Variants in EIF3D observed in about 807,000 individuals in gnomAD.
EIF3D encodes eIF3 p66.
In EIF3D, 10 loss-of-function variants were observed where a neutral mutation model predicts 75.4. That is an observed-to-expected ratio of 0.13 (90% CI 0.08 to 0.22). The LOEUF (loss-of-function observed/expected upper bound fraction) is 0.22, where lower values mean the gene tolerates loss of function less well. EIF3D is among the 10% of genes least tolerant of loss of function. The pLI, the probability that EIF3D is intolerant of heterozygous loss-of-function variation, is 1.00. For missense variants in EIF3D, 394 were observed against 708.0 expected, an observed-to-expected ratio of 0.56 and a Z score of 5.03; for synonymous variants, 246 against 248.3, an observed-to-expected ratio of 0.99 and a Z score of 0.09.
chr22:36,525,749 C>T (rs774975917), intron 2 of EIF3D, 40 bp from the exon 3 acceptor site: 79 of 1,598,606 alleles, frequency 4.9e-5, no homozygotes, highest in Non-Finnish European at 5.9e-5. Flanking sequence ...CACAGGTCAA[C>T]CAGGCAAGTT....
intron 14 of EIF3D, 99 bp downstream of exon 14, chr22:36,511,404 C>T (rs891865152): frequency 8.4e-6 from 13 of 1,541,260 alleles, no homozygotes; most frequent in East Asian, 2.3e-5. Flanking sequence ...AGGGAATTCT[C>T]GAAGTTTTAT....
chr22:36,521,522 CAAT>C (rs1171968621), intron 6 of EIF3D, among the ~76,000 whole-genome samples: 1 of 152,128 alleles, frequency 6.6e-6, no homozygotes, highest in East Asian at 1.9e-4. Flanking sequence ...ACAGCAGCAT[CAAT>C]AATAGTCAAA....
intron 7 of EIF3D, 39 bp downstream of exon 7, chr22:36,520,537 A>G (rs755974436): frequency 9.7e-6 from 14 of 1,440,504 alleles, no homozygotes; most frequent in East Asian, 2.3e-5. Context: ...GTCCACACAC[A>G]TAAGAGCAGT....
intron 4 of EIF3D, 47 bp downstream of exon 4, chr22:36,524,549 C>A (rs1184491758): frequency 6.2e-7 from 1 of 1,609,918 alleles, no homozygotes; most frequent in Admixed American, 1.7e-5. Flanking sequence ...AGGTGATGGC[C>A]AACAGTAACA....
intron 6 of EIF3D, 55 bp from the exon 7 acceptor site, chr22:36,520,743 A>G: frequency 7.7e-7 from 1 of 1,293,228 alleles, no homozygotes; most frequent in Admixed American, 1.9e-5. Flanking sequence ...CAAAACATAA[A>G]TAAAAGACAG....
At chr22:36,519,383 A>T in intron 8 of EIF3D, 22 bp downstream of exon 8, 1 of 1,613,300 alleles carries the variant, frequency 6.2e-7, no homozygotes, top group South Asian at 1.1e-5. Flanking sequence ...CAAGGGGGAG[A>T]GGGGCAGAAG....
intron 1 of EIF3D, among the ~76,000 whole-genome samples, chr22:36,526,609 CT>C (rs1187569004): frequency 6.9e-6 from 1 of 145,742 alleles, no homozygotes; most frequent in African/African-American, 2.6e-5. Flanking sequence ...TCTTTTCTTT[CT>C]TTCTTTTTTT....
At chr22:36,512,154 T>C (rs1934350181) in intron 13 of EIF3D, among the ~76,000 whole-genome samples, 1 of 152,136 alleles carries the variant, frequency 6.6e-6, no homozygotes, top group Non-Finnish European at 1.5e-5. Flanking sequence ...CCTCCCAAAG[T>C]GCTAGGATTA....
At chr22:36,523,768 G>T in intron 5 of EIF3D, 127 bp downstream of exon 5, 1 of 892,490 alleles carries the variant, frequency 1.1e-6, no homozygotes, top group Non-Finnish European at 1.8e-6. Flanking sequence ...GGCTTAACTG[G>T]TTGTAGAAAG....
chr22:36,528,608 A>T (rs998269919), intron 1 of EIF3D: 1 of 139,644 alleles, frequency 7.2e-6, no homozygotes, highest in Admixed American at 6.9e-5. Flanking sequence ...GGTGGGGTAG[A>T]TTTAAGATCA....
chr22:36,524,966 A>G (rs1250408291), intron 3 of EIF3D, among the ~76,000 whole-genome samples: 1 of 152,186 alleles, frequency 6.6e-6, no homozygotes, highest in Non-Finnish European at 1.5e-5. Flanking sequence ...CTCTGGCCTA[A>G]AGAACTTTCT....
intron 3 of EIF3D, among the ~76,000 whole-genome samples, chr22:36,525,239 C>T (rs713779): frequency 0.088 from 8,318 of 94,080 alleles, 409 homozygotes; most frequent in Middle Eastern, 0.21. Flanking sequence ...AGGGGTTTTA[C>T]TTTTTTTTTT....
At chr22:36,527,832 T>C (rs887643737) in intron 1 of EIF3D, among the ~76,000 whole-genome samples, 1 of 152,160 alleles carries the variant, frequency 6.6e-6, no homozygotes. Flanking sequence ...AAATGTTTCT[T>C]GGAGGCTGGA....
intron 1 of EIF3D, chr22:36,526,751 GCTATTTT>G (rs1569002459): frequency 6.6e-6 from 1 of 151,974 alleles, no homozygotes; most frequent in Non-Finnish European, 1.5e-5. Context: ...GCGCCGCCTG[GCTATTTT>G]CTGTGTTTTT....
At chr22:36,525,897 G>T in intron 2 of EIF3D, 102 bp downstream of exon 2, 1 of 1,513,932 alleles carries the variant, frequency 6.6e-7, no homozygotes, top group Non-Finnish European at 8.9e-7. Flanking sequence ...ATCCCTATAA[G>T]AAATTCAGGA....
intron 12 of EIF3D, among the ~76,000 whole-genome samples, chr22:36,515,794 C>T (rs1469972920): frequency 1.3e-5 from 2 of 151,648 alleles, no homozygotes; most frequent in African/African-American, 2.4e-5. Flanking sequence ...GCACGACGGC[C>T]CTGAATGCTT....
intron 6 of EIF3D, among the ~76,000 whole-genome samples, chr22:36,521,847 G>A (rs1270146272): frequency 4.6e-5 from 7 of 151,752 alleles, no homozygotes; most frequent in Non-Finnish European, 7.4e-5. Flanking sequence ...TGAGGTGTGA[G>A]AATCACTTTA....
In EIF3D at chr22:36,523,881, G is replaced by A. The variant is rs201208549; in HGVS notation, c.392+14C>T. On this transcript the variant is annotated intron_variant, in intron 5 of 14. Coordinates refer to ENST00000216190, the MANE Select transcript of EIF3D (RefSeq NM_003753.4). ...TGGGAAGGGTGTCTTGTTCCAGCAG[G>A]ATGAAAATCTCACCTCTCTTTCTGT... The A allele has an allele frequency of 3.1e-6, 5 of 1,612,590 alleles. No homozygotes were observed. The Admixed American group carries it at 8.3e-5, about 27-fold the overall frequency.
chr22:36,512,799 T>A, intron 12 of EIF3D, 197 bp from the exon 13 acceptor site: 1 of 587,358 alleles, frequency 1.7e-6, no homozygotes, highest in Non-Finnish European at 2.9e-6. Flanking sequence ...ACTCAACGAC[T>A]TACAATTCCT....
Sources: gnomAD v4.1 joint callset for allele counts (sites outside exome capture counted in the v4.1 genomes callset) on GRCh38, gnomAD v4.1.1 for gene constraint, MANE v1.5 for transcripts, NCBI Gene and HGNC (gene_info 2026-07-23, HGNC 2026-07-21) for gene names.